The following SBF1 variants were observed in gnomAD, a reference collection of about 807,000 sequenced individuals.
SBF1 encodes myotubularin-related protein 5.
A neutral mutation model predicts 215.8 loss-of-function variants in SBF1; 65 were observed. That is an observed-to-expected ratio of 0.30 (90% CI 0.25 to 0.37). The LOEUF (loss-of-function observed/expected upper bound fraction) is 0.37, where lower values mean the gene tolerates loss of function less well. Ranked by LOEUF, SBF1 falls within the 10% of genes least tolerant of loss-of-function variation. The pLI, the probability that SBF1 is intolerant of heterozygous loss-of-function variation, is 1.00. For synonymous variants in SBF1, 1,410 were observed against 1,122.8 expected (o/e 1.26, Z -5.11); for missense variants, 2,634 against 2,667.8 (o/e 0.99, Z 0.28).
intron 31 of SBF1, chr22:50,456,004 A>G (rs1173977245): frequency 3.4e-6 from 2 of 595,862 alleles, no homozygotes; most frequent in East Asian, 2.9e-5. Context: ...CCCATGCCCA[A>G]GCCCTGGCCA....
At chr22:50,459,167 T>G in intron 28 of SBF1, 88 bp downstream of exon 28, 1 of 1,489,818 alleles carries the variant, frequency 6.7e-7, no homozygotes, top group African/African-American at 1.4e-5. Context: ...CCGTTTCTGC[T>G]CCTCCCTGGC....
rs1039569285 is a variant in SBF1 at position 50,464,935 on chromosome 22, A to T, written c.1333-18T>A. ...GCCACCAGCTAGCGGGGTAAGCAGG[A>T]GGTTAGGTAAGCCATGGTCAGGCGG... On this transcript the variant is annotated intron_variant, in intron 12 of 40. Coordinates refer to ENST00000380817, the MANE Select transcript of SBF1 (RefSeq NM_002972.4). 3 of 1,611,874 alleles carry T rather than the reference A, an allele frequency of 1.9e-6. No homozygotes were observed. Among genetic ancestry groups the T allele is most frequent in the African/African-American group, 1.3e-5 (1 of 74,810 alleles).
chr22:50,468,913 C>G (rs1442799069), intron 1 of SBF1, among the ~76,000 whole-genome samples: 1 of 152,144 alleles, frequency 6.6e-6, no homozygotes, highest in African/African-American at 2.4e-5. Flanking sequence ...CTCAAACCTG[C>G]TGTCTGTGTG....
At chr22:50,460,767 C>T in intron 23 of SBF1, 55 bp from the exon 24 acceptor site, 1 of 1,551,102 alleles carries the variant, frequency 6.4e-7, no homozygotes, top group Non-Finnish European at 8.8e-7. Context: ...GCCCCTCCCC[C>T]AACTCTGACA....
chr22:50,467,708 G>C lies in SBF1; in HGVS notation c.280-18C>G, dbSNP rs745374670. The C allele has an allele frequency of 6.4e-7, 1 of 1,567,524 alleles. No individual in the cohort carries two copies. Among genetic ancestry groups the C allele is most frequent in the South Asian group, 1.1e-5 (1 of 89,656 alleles). On this transcript the variant is annotated intron_variant, in intron 3 of 40. Coordinates refer to ENST00000380817, the MANE Select transcript of SBF1 (RefSeq NM_002972.4). ...GTCGTTTCCTGCTGGGGGTCAGGGG[G>C]AGACGGGGGCAGGGGGAGTTGGCCA...
chr22:50,472,008 T>G (rs923392403), intron 1 of SBF1, among the ~76,000 whole-genome samples: 2 of 152,206 alleles, frequency 1.3e-5, no homozygotes, highest in African/African-American at 4.8e-5. Flanking sequence ...AGATCAAATG[T>G]GTCTCCTGTT....
At position 50,454,927 on chromosome 22, in the gene SBF1, TCTC is replaced by T. The variant is rs756687778; in HGVS notation, c.4696_4698del (p.Glu1566del). On this transcript the variant is annotated inframe_deletion, in exon 35 of 41. Transcript: ENST00000380817. ...GGCACCTGGCCCCTGCGTTCCCCCT[TCTC>T]CTCATACAGCAGCCCTGCACAGAAG... 75 of 1,613,788 alleles carry T rather than the reference TCTC, an allele frequency of 4.6e-5. No individual in the cohort carries two copies. The highest frequency in any genetic ancestry group is 5.8e-5 in the Non-Finnish European group (69 of 1,179,984).
At chr22:50,454,394 C>T in intron 36 of SBF1, 118 bp downstream of exon 36, 2 of 914,046 alleles carry the variant, frequency 2.2e-6, no homozygotes, top group Non-Finnish European at 3.4e-6. Context: ...GCCACACCAA[C>T]CCCCAGGGGT....
At chr22:50,470,339 G>A (rs374357257) in intron 1 of SBF1, among the ~76,000 whole-genome samples, 2 of 152,290 alleles carry the variant, frequency 1.3e-5, no homozygotes, top group South Asian at 2.1e-4. Context: ...CAGGAGGATG[G>A]GCAGAGTGGC....
At position 50,447,420 on chromosome 22, in the gene SBF1, A is replaced by G; in HGVS notation, c.5485T>C (p.Cys1829Arg). Residue 1829 changes from cysteine to arginine, a missense_variant, in exon 40 of 41, where the codon TGC (cysteine) becomes CGC (arginine). Transcript: ENST00000380817. ...TCCGCCAAGTCGATGACACCCTTGC[A>G]CTCTGTGTCCACACGGTGGTCGTAG... ...RYYDHRVDTE[C>R]KGVIDLAEVE... 1 of 1,613,666 alleles carries G rather than the reference A, an allele frequency of 6.2e-7. No individual in the cohort carries two copies.
chr22:50,474,143 A>T (rs2068089565), intron 1 of SBF1, among the ~76,000 whole-genome samples: 1 of 152,096 alleles, frequency 6.6e-6, no homozygotes, highest in Admixed American at 6.5e-5. Context: ...CTGATACCCC[A>T]CCCAGGGCTT....
rs58188399 is a variant in SBF1 at position 50,451,166 on chromosome 22, C to CAAAAAAA, written c.5044-2523_5044-2517dup. ...GTGACATAGGGAGACCCCATCTCTACAAAAAAAAAAAAAAAAAAAAAAAAA... is the reference window on the plus strand; with the variant it reads ...GTGACATAGGGAGACCCCATCTCTACAAAAAAAAAAAAAAAAAAAAAAAAAAAAAAAA... On this transcript the variant is annotated intron_variant, in intron 36 of 40. Transcript: ENST00000380817. Among the ~76,000 whole-genome samples the CAAAAAAA allele has an allele frequency of 7.5e-4, 62 of 83,180 alleles. 2 individuals are homozygous for CAAAAAAA. The highest frequency in any genetic ancestry group is 2.2e-3 in the African/African-American group (41 of 18,708). The allele number at this position is 83,180 out of a possible 152,430, so 54.6% of individuals were successfully genotyped here.
chr22:50,455,729 G>C, intron 31 of SBF1, 147 bp from the exon 32 acceptor site: 1 of 672,676 alleles, frequency 1.5e-6, no homozygotes. Flanking sequence ...GCAGAGCACT[G>C]GACAAACACA....
chr22:50,455,285 A>G lies in SBF1; in HGVS notation c.4493T>C (p.Leu1498Pro), dbSNP rs753856952. 2.4e-5 allele frequency: 38 copies of G among 1,613,490 alleles called. No individual in the cohort carries two copies. Among genetic ancestry groups the G allele is most frequent in the Non-Finnish European group, 3.1e-5 (37 of 1,179,908 alleles). The change falls in exon 33 of 41, where the codon CTG (leucine) becomes CCG (proline). Residue 1498 changes from leucine (L) to proline (P), a missense_variant. Leu to Pro is a moderately conservative substitution (Grantham distance 98). Coordinates refer to ENST00000380817, the MANE Select transcript of SBF1 (RefSeq NM_002972.4). ...TGTGAAGCCGCTGCTCTGCCCGGCCAGGGTGTGAGCTCCACGGTGGCTGAA... is the reference window on the plus strand; with the variant it reads ...TGTGAAGCCGCTGCTCTGCCCGGCCGGGGTGTGAGCTCCACGGTGGCTGAA... Reference protein sequence around the residue: ...HRFSHRGAHTLAGQSSGFTPV... With the variant: ...HRFSHRGAHTPAGQSSGFTPV...
At chr22:50,474,060 G>A (rs1325454879) in intron 1 of SBF1, among the ~76,000 whole-genome samples, 1 of 152,098 alleles carries the variant, frequency 6.6e-6, no homozygotes, top group Non-Finnish European at 1.5e-5. Context: ...CCTACCTCCT[G>A]GGCTGAAGAG....
intron 28 of SBF1, among the ~76,000 whole-genome samples, chr22:50,458,643 T>C (rs148427941): frequency 1.3e-3 from 194 of 152,046 alleles, no homozygotes; most frequent in African/African-American, 4.6e-3. Context: ...CAGGAGTGAG[T>C]GTGGGGCCTA....
intron 13 of SBF1, 29 bp from the exon 14 acceptor site, chr22:50,464,767 G>T: frequency 6.2e-7 from 1 of 1,609,846 alleles, no homozygotes; most frequent in Non-Finnish European, 8.5e-7. Context: ...TGTGGGGCAG[G>T]GGCCCAGGGA....
chr22:50,445,148 C>G lies in SBF1; in HGVS notation c.*1994G>C, dbSNP rs2066728178. 1 of 152,530 alleles carries G rather than the reference C, an allele frequency of 6.6e-6. No homozygotes were observed. The highest frequency in any genetic ancestry group is 6.5e-5 in the Admixed American group (1 of 15,284). The allele number at this position is 152,530 out of a possible 1,614,324, so 9.4% of individuals were successfully genotyped here. A position where few individuals can be genotyped will look rare whatever the true frequency, so the allele number is the denominator to read the frequency against. Reference sequence around the variant, plus strand: ...CCGGCCCGGCCAGGGGTGGGAGAGTCTCCTCCAGCACCTCTTTTGTGGGCC... The same window carrying G: ...CCGGCCCGGCCAGGGGTGGGAGAGTGTCCTCCAGCACCTCTTTTGTGGGCC... On this transcript the variant is annotated 3_prime_UTR_variant, in exon 41 of 41. Coordinates refer to ENST00000380817, the MANE Select transcript of SBF1 (RefSeq NM_002972.4).
rs1236088197 is a variant in SBF1 at position 50,456,633 on chromosome 22, G to A, written c.3945C>T (p.Gly1315=). 3 of 1,510,550 alleles carry A rather than the reference G, an allele frequency of 2.0e-6. No individual in the cohort carries two copies. The highest frequency in any genetic ancestry group is 8.8e-7 in the Non-Finnish European group (1 of 1,131,172). 93.6% of individuals were successfully genotyped at this position (1,510,550 alleles called of 1,614,324 possible). ...GCCGGGAGCCCACATCGGTGCCAAG[G>A]CCACTGCTGCGTCCACTGGTCCGGA... is the stretch of plus-strand genomic sequence containing the variant. ...GSVRTSGRSS[G]LGTDVGSRLA... Residue 1315 remains glycine (G), a synonymous_variant, in exon 30 of 41, where the codon GGC becomes GGT. Transcript: ENST00000380817.
Sources: gnomAD v4.1 joint callset for allele counts (sites outside exome capture counted in the v4.1 genomes callset) on GRCh38, gnomAD v4.1.1 for gene constraint, MANE v1.5 for transcripts, NCBI Gene and HGNC (gene_info 2026-07-23, HGNC 2026-07-21) for gene names.